The following DNAH5 variants were observed in gnomAD, a reference collection of about 807,000 sequenced individuals.
DNAH5 encodes the protein axonemal beta dynein heavy chain 5.
In DNAH5, 372 loss-of-function variants were observed where a neutral mutation model predicts 518.2. The observed-to-expected ratio is 0.72, with a 90% CI of 0.66 to 0.78. The LOEUF (loss-of-function observed/expected upper bound fraction) is 0.78. Among genes scored for constraint, DNAH5 ranks in the 30% least tolerant of loss-of-function variants. The pLI is 0.00. For missense variants in DNAH5, 5,523 were observed against 5,687.0 expected, an observed-to-expected ratio of 0.97 and a Z score of 0.93; for synonymous variants, 2,039 against 2,025.9, an observed-to-expected ratio of 1.01 and a Z score of -0.17.
At chr5:13,869,843 G>T (rs1304449592) in intron 24 of DNAH5, among the ~76,000 whole-genome samples, 1 of 152,006 alleles carries the variant, frequency 6.6e-6, no homozygotes, top group Non-Finnish European at 1.5e-5. Flanking sequence ...AAAAAAGGCT[G>T]TTGCTAAGAC....
rs368651028 is a variant in DNAH5, at chr5:13,847,768, A to ATGTG, written c.5115-2779_5115-2776dup. The stretch of plus-strand genomic sequence containing the variant: ...AAAAAAAATAAAGGGGGGATTTCGC[A>ATGTG]TGTGTGTGTGTGTGTCTGTCTGTCT... On this transcript the variant is annotated intron_variant, in intron 31 of 78. Coordinates refer to ENST00000265104, the MANE Select transcript of DNAH5 (RefSeq NM_001369.3). Among the ~76,000 whole-genome samples, 1,017 of 150,166 alleles carry ATGTG rather than the reference A, an allele frequency of 6.8e-3. 8 individuals carry two copies. Among genetic ancestry groups the ATGTG allele is most frequent in the African/African-American group, 0.022 (883 of 40,554 alleles).
intron 15 of DNAH5, chr5:13,898,941 T>C (rs1050244278): frequency 5.0e-4 from 111 of 222,074 alleles, no homozygotes; most frequent in African/African-American, 2.4e-3. Flanking sequence ...TTTTTGTTTG[T>C]TTGTTTTTTG....
At chr5:13,766,441 G>T (rs1752524728) in intron 58 of DNAH5, among the ~76,000 whole-genome samples, 1 of 152,232 alleles carries the variant, frequency 6.6e-6, no homozygotes, top group African/African-American at 2.4e-5. Context: ...AAAGTGCACA[G>T]ATGGCTTTGT....
chr5:13,965,985 CT>C (rs1233426971), intron 1 of DNAH5, among the ~76,000 whole-genome samples: 2 of 151,900 alleles, frequency 1.3e-5, no homozygotes, highest in Non-Finnish European at 2.9e-5. Flanking sequence ...CCTCACCCCC[CT>C]CCCATCCTTT....
chr5:13,881,021 T>C (rs1771600223), intron 21 of DNAH5, among the ~76,000 whole-genome samples: 2 of 151,756 alleles, frequency 1.3e-5, no homozygotes, highest in African/African-American at 4.8e-5. Flanking sequence ...AAAAACAAAA[T>C]AGACTTAACA....
At chr5:13,749,148 T>G (rs1426985766) in intron 65 of DNAH5, among the ~76,000 whole-genome samples, 2 of 152,152 alleles carry the variant, frequency 1.3e-5, no homozygotes, top group Non-Finnish European at 2.9e-5. Context: ...AGCTCACTTC[T>G]TCTATCACAA....
chr5:13,987,875 T>C (rs1237146619), intron 1 of DNAH5, among the ~76,000 whole-genome samples: 1 of 146,392 alleles, frequency 6.8e-6, no homozygotes, highest in Non-Finnish European at 1.5e-5. Flanking sequence ...TGTTTAATCT[T>C]AAATAAGATT....
intron 29 of DNAH5, among the ~76,000 whole-genome samples, chr5:13,862,195 G>A (rs1027027229): frequency 5.9e-5 from 9 of 152,110 alleles, no homozygotes; most frequent in Admixed American, 3.3e-4. Flanking sequence ...CCCAAGAGCC[G>A]AGTGGCTAAT....
intron 31 of DNAH5, among the ~76,000 whole-genome samples, chr5:13,849,972 A>G (rs1766592923): frequency 6.6e-6 from 1 of 152,178 alleles, no homozygotes; most frequent in South Asian, 2.1e-4. Flanking sequence ...TTCACAGGAC[A>G]CTATTACAGG....
At chr5:13,859,129 A>G (rs867145949) in intron 30 of DNAH5, among the ~76,000 whole-genome samples, 12 of 152,312 alleles carry the variant, frequency 7.9e-5, no homozygotes, top group African/African-American at 1.2e-4. Context: ...TAACTGCACC[A>G]TAATTCTACA....
intron 47 of DNAH5, among the ~76,000 whole-genome samples, chr5:13,803,093 A>C (rs1479865752): frequency 1.3e-5 from 2 of 152,194 alleles, no homozygotes; most frequent in Non-Finnish European, 2.9e-5. Flanking sequence ...AAGCTATTTT[A>C]TTATTTCTAT....
intron 17 of DNAH5, among the ~76,000 whole-genome samples, chr5:13,887,048 C>T (rs1772538958): frequency 6.6e-6 from 1 of 152,158 alleles, no homozygotes; most frequent in Non-Finnish European, 1.5e-5. Flanking sequence ...TAAACTAACT[C>T]CTCAATTCTC....
chr5:13,780,685 CA>C lies in DNAH5; in HGVS notation c.8951+143del, dbSNP rs1339165938. 2.3e-5 allele frequency: 21 copies of C among 929,448 alleles called. No individual in the cohort carries two copies. The African/African-American group carries it at 2.8e-4, about 12-fold the overall frequency. The allele number at this position is 929,448 out of a possible 1,614,324, so 57.6% of individuals were successfully genotyped here. ...GTTTATGATCTATGACAAAGGTTGACAGGGGAAGATGATAAGTCAACATTCA... is the reference window on the plus strand; with the variant it reads ...GTTTATGATCTATGACAAAGGTTGACGGGGAAGATGATAAGTCAACATTCA... On this transcript the variant is annotated intron_variant, in intron 53 of 78. Transcript: ENST00000265104.
At chr5:13,755,652 A>AAAAAACT (rs1418370489) in intron 61 of DNAH5, among the ~76,000 whole-genome samples, 13 of 152,298 alleles carry the variant, frequency 8.5e-5, no homozygotes, top group Non-Finnish European at 1.6e-4. Context: ...AGTTAAGGCA[A>AAAAAACT]AAAAACTAAC....
rs374169331 is a variant in DNAH5, at chr5:13,891,481, C to T, written c.2432-360G>A. Among the ~76,000 whole-genome samples, 13 of 152,154 alleles carry T rather than the reference C, an allele frequency of 8.5e-5. No homozygotes were observed. The East Asian group carries it at 1.7e-3, about 20-fold the overall frequency. ...GGGGCCATCGTTCCTTCTCTGTAACCAGTTTCTGAGCTCCTGCCTGCCTAA... is the reference window on the plus strand; with the variant it reads ...GGGGCCATCGTTCCTTCTCTGTAACTAGTTTCTGAGCTCCTGCCTGCCTAA... On this transcript the variant is annotated intron_variant, in intron 16 of 78. Transcript: ENST00000265104.
In DNAH5 at chr5:13,769,635, C is replaced by T; in HGVS notation, c.9606-20G>A. 1 of 1,591,056 alleles carries T rather than the reference C, an allele frequency of 6.3e-7. No individual in the cohort carries two copies. The highest frequency in any genetic ancestry group is 8.6e-7 in the Non-Finnish European group (1 of 1,159,174). On this transcript the variant is annotated intron_variant, in intron 56 of 78. Transcript: ENST00000265104. ...TTCATTCTGGGATTGAAAATCCAAGCAAGCAATGTTAAAATGTGTAGGACT... is the reference window on the plus strand; with the variant it reads ...TTCATTCTGGGATTGAAAATCCAAGTAAGCAATGTTAAAATGTGTAGGACT...
rs1774635204 is a variant in DNAH5, at chr5:13,901,591, T to G, written c.1731-18A>C. ...TATTCAATCTGATTTTTTTAAAAAG[T>G]TAAAAGCTTGAATTAATGGAATAAA... On this transcript the variant is annotated intron_variant, in intron 13 of 78. Coordinates refer to ENST00000265104, the MANE Select transcript of DNAH5 (RefSeq NM_001369.3). 1 of 1,546,350 alleles carries G rather than the reference T, an allele frequency of 6.5e-7. No individual in the cohort carries two copies. The highest frequency in any genetic ancestry group is 8.9e-7 in the Non-Finnish European group (1 of 1,127,020).
intron 30 of DNAH5, among the ~76,000 whole-genome samples, chr5:13,857,005 T>C (rs1257710268): frequency 6.6e-6 from 1 of 152,218 alleles, no homozygotes; most frequent in African/African-American, 2.4e-5. Flanking sequence ...TTGGTAGTTC[T>C]GGCCAGGGCA....
chr5:13,734,587 C>CTG (rs1747085567), intron 68 of DNAH5, among the ~76,000 whole-genome samples: 1 of 152,162 alleles, frequency 6.6e-6, no homozygotes, highest in Non-Finnish European at 1.5e-5. Context: ...CAGCCTCACT[C>CTG]CACCAGAGGC....
Sources: allele counts gnomAD v4.1 joint callset (sites outside exome capture counted in the v4.1 genomes callset), GRCh38; gene constraint gnomAD v4.1.1; transcripts MANE v1.5; gene names NCBI Gene and HGNC (gene_info 2026-07-23, HGNC 2026-07-21).